The following NRCAM variants were observed in gnomAD, a reference collection of about 807,000 sequenced individuals.
The protein encoded by NRCAM is neuronal cell adhesion molecule, also known as NgCAM-related cell adhesion molecule.
NRCAM carries 83 observed loss-of-function variants against 156.5 expected under a neutral mutation model. The observed-to-expected ratio is 0.53, with a 90% CI of 0.44 to 0.64. The LOEUF is 0.64. Among genes scored for constraint, NRCAM ranks in the 30% least tolerant of loss-of-function variants. The pLI is 0.00. For synonymous variants in NRCAM, 538 were observed against 563.9 expected (o/e 0.95, Z 0.65); for missense variants, 1,417 against 1,597.3 (o/e 0.89, Z 1.92).
chr7:108,384,154 T>C (rs535382487), intron 2 of NRCAM, among the ~76,000 whole-genome samples: 2 of 152,248 alleles, frequency 1.3e-5, no homozygotes, highest in East Asian at 3.9e-4. Context: ...CTGGGCTTAA[T>C]ACCTGGGTGA....
intron 1 of NRCAM, among the ~76,000 whole-genome samples, chr7:108,403,481 AATTT>A (rs200221364): frequency 1.2e-3 from 182 of 152,348 alleles, no homozygotes; most frequent in East Asian, 4.8e-3. Flanking sequence ...TTAGTAAATA[AATTT>A]ATTTTAGTGT....
intron 3 of NRCAM, among the ~76,000 whole-genome samples, chr7:108,269,430 C>T (rs1437956226): frequency 6.6e-6 from 1 of 152,136 alleles, no homozygotes; most frequent in East Asian, 1.9e-4. Context: ...TGGTGACTGT[C>T]TCTTTTCCCT....
intron 2 of NRCAM, among the ~76,000 whole-genome samples, chr7:108,372,581 A>G (rs1281980780): frequency 6.6e-6 from 1 of 152,154 alleles, no homozygotes; most frequent in Non-Finnish European, 1.5e-5. Flanking sequence ...AGAAATGGCC[A>G]ATAGGTATAT....
intron 2 of NRCAM, among the ~76,000 whole-genome samples, chr7:108,393,890 T>C (rs2099769456): frequency 6.6e-6 from 1 of 152,162 alleles, no homozygotes; most frequent in Admixed American, 6.5e-5. Flanking sequence ...ATTGCTGCAG[T>C]TCAGGTTTCT....
rs796654844 is a variant in NRCAM, at chr7:108,443,891, G to GATACATAC, written c.-332+12344_-332+12351dup. ...CAAAGTATACAGATATAGATAGATA[G>GATACATAC]ATACATACATACATACATACATACA... On this transcript the variant is annotated intron_variant, in intron 1 of 32. Coordinates refer to ENST00000379028, the MANE Select transcript of NRCAM (RefSeq NM_001037132.4). Among the ~76,000 whole-genome samples the GATACATAC allele has an allele frequency of 9.9e-4, 145 of 145,910 alleles. 1 individual carries two copies. In the East Asian group the frequency reaches 0.011, roughly 11 times the overall value.
Position 108,205,798 on chromosome 7 carries a change from A to T in NRCAM, c.1207+1730T>A, listed in dbSNP as rs142354372. Among the ~76,000 whole-genome samples, 734 of 152,266 alleles carry T rather than the reference A, an allele frequency of 4.8e-3. 10 individuals carry two copies. Among genetic ancestry groups the T allele is most frequent in the African/African-American group, 0.017 (693 of 41,536 alleles). On this transcript the variant is annotated intron_variant, in intron 13 of 32. Transcript: ENST00000379028. ...GAAGCAGGATTTTGCCCTGTTGCCC[A>T]GGCTGGTCTCTAACTCCTGTACTCA...
At chr7:108,240,524 G>T (rs1279495727) in intron 3 of NRCAM, among the ~76,000 whole-genome samples, 1 of 152,166 alleles carries the variant, frequency 6.6e-6, no homozygotes, top group African/African-American at 2.4e-5. Context: ...TGTGACTTTA[G>T]AGGGGTAGCC....
chr7:108,328,566 G>A (rs2099094332), intron 2 of NRCAM: 1 of 152,180 alleles, frequency 6.6e-6, no homozygotes, highest in Non-Finnish European at 1.5e-5. Context: ...GCAGTAAAAT[G>A]TTAAAGTCCT....
chr7:108,361,602 G>C (rs1039303906), intron 2 of NRCAM, among the ~76,000 whole-genome samples: 1 of 152,036 alleles, frequency 6.6e-6, no homozygotes, highest in Non-Finnish European at 1.5e-5. Context: ...TAGTTTGCCA[G>C]CCTTCAGACC....
intron 30 of NRCAM, among the ~76,000 whole-genome samples, chr7:108,161,238 A>G (rs1408753564): frequency 2.6e-5 from 4 of 152,238 alleles, no homozygotes; most frequent in Non-Finnish European, 5.9e-5. Flanking sequence ...TTATTTGCCT[A>G]CATGACCAGT....
intron 3 of NRCAM, among the ~76,000 whole-genome samples, chr7:108,297,829 T>C (rs2098481427): frequency 6.6e-6 from 1 of 152,194 alleles, no homozygotes; most frequent in South Asian, 2.1e-4. Flanking sequence ...ATGCGTAATA[T>C]ACTTTCTTGC....
At chr7:108,384,909 G>A (rs191790735) in intron 2 of NRCAM, among the ~76,000 whole-genome samples, 11 of 152,314 alleles carry the variant, frequency 7.2e-5, no homozygotes, top group African/African-American at 1.7e-4. Flanking sequence ...GTTACCTCAT[G>A]GGTTATCGTG....
At chr7:108,298,955 A>T (rs1188736658) in intron 3 of NRCAM, among the ~76,000 whole-genome samples, 1 of 148,992 alleles carries the variant, frequency 6.7e-6, no homozygotes, top group East Asian at 2.0e-4. Flanking sequence ...AAAATACAAA[A>T]ATTAGCTGCG....
chr7:108,431,805 G>T (rs184678977), intron 1 of NRCAM, among the ~76,000 whole-genome samples: 63 of 152,098 alleles, frequency 4.1e-4, no homozygotes, highest in African/African-American at 1.4e-3. Context: ...AAATACACAG[G>T]TTATATATTT....
At chr7:108,291,065 C>T (rs1014721023) in intron 3 of NRCAM, among the ~76,000 whole-genome samples, 4 of 152,050 alleles carry the variant, frequency 2.6e-5, no homozygotes, top group South Asian at 2.1e-4. Flanking sequence ...CGAAAACCGG[C>T]GAGTCCAGAA....
chr7:108,423,310 GAGAA>G (rs1812709861), intron 1 of NRCAM, among the ~76,000 whole-genome samples: 1 of 152,044 alleles, frequency 6.6e-6, no homozygotes. Flanking sequence ...GAAAGTGAAG[GAGAA>G]AGAGTCAGGT....
At chr7:108,277,837 C>A (rs2097698094) in intron 3 of NRCAM, among the ~76,000 whole-genome samples, 1 of 152,178 alleles carries the variant, frequency 6.6e-6, no homozygotes, top group South Asian at 2.1e-4. Flanking sequence ...TTGGAATCTT[C>A]AGCCTTTCTG....
At chr7:108,303,744 C>T (rs942788923) in intron 3 of NRCAM, among the ~76,000 whole-genome samples, 12 of 152,084 alleles carry the variant, frequency 7.9e-5, no homozygotes, top group Non-Finnish European at 1.5e-5. Flanking sequence ...GAATGTCCTT[C>T]TCCATGTCTG....
intron 2 of NRCAM, among the ~76,000 whole-genome samples, chr7:108,373,355 T>C (rs909149515): frequency 1.3e-5 from 2 of 152,178 alleles, no homozygotes; most frequent in Non-Finnish European, 2.9e-5. Flanking sequence ...GTGTTCTTAC[T>C]ATAATAAGAG....
Sources: gnomAD v4.1 joint callset for allele counts (sites outside exome capture counted in the v4.1 genomes callset) on GRCh38, gnomAD v4.1.1 for gene constraint, MANE v1.5 for transcripts, NCBI Gene and HGNC (gene_info 2026-07-23, HGNC 2026-07-21) for gene names.